Variants in GALNT14 observed in about 807,000 individuals in gnomAD.
GALNT14 encodes polypeptide N-acetylgalactosaminyltransferase 14, also known as UDP-GalNAc:polypeptide N-acetylgalactosaminyltransferase 14.
In GALNT14, 60 loss-of-function variants were observed where a neutral mutation model predicts 77.5. The ratio of observed to expected loss-of-function variants is 0.77; its 90% CI spans 0.63 to 0.96. The LOEUF (loss-of-function observed/expected upper bound fraction) is 0.96, where lower values mean the gene tolerates loss of function less well. GALNT14 is among the 40% of genes least tolerant of loss of function. The pLI is 0.00. For missense variants in GALNT14, 710 were observed against 731.0 expected (o/e 0.97, Z 0.33); for synonymous variants, 280 against 281.7 (o/e 0.99, Z 0.06).
intron 2 of GALNT14, among the ~76,000 whole-genome samples, chr2:30,974,572 G>A (rs80323147): frequency 0.023 from 3,447 of 152,286 alleles, 140 homozygotes; most frequent in East Asian, 0.21. Flanking sequence ...TGCAAGTGCT[G>A]TCTCTCTCCC....
chr2:30,925,677 C>G, intron 11 of GALNT14, among the ~76,000 whole-genome samples: 1 of 152,114 alleles, frequency 6.6e-6, no homozygotes, highest in South Asian at 2.1e-4. Context: ...TTTGGAAGAG[C>G]AGAAATGGGT....
intron 2 of GALNT14, among the ~76,000 whole-genome samples, chr2:30,988,657 G>A (rs1309925978): frequency 3.3e-5 from 5 of 152,104 alleles, no homozygotes; most frequent in Non-Finnish European, 7.4e-5. Flanking sequence ...TCCTACCTAT[G>A]AACTTCACCT....
At chr2:31,083,458 G>A (rs1224735935) in intron 1 of GALNT14, among the ~76,000 whole-genome samples, 2 of 152,168 alleles carry the variant, frequency 1.3e-5, no homozygotes, top group Non-Finnish European at 2.9e-5. Context: ...ATTCGTTCCA[G>A]TTAATAAGAA....
intron 1 of GALNT14, among the ~76,000 whole-genome samples, chr2:31,068,999 G>A (rs937580810): frequency 7.9e-5 from 12 of 152,202 alleles, no homozygotes; most frequent in Admixed American, 7.2e-4. Context: ...CACCTGGAGC[G>A]GGGTGGGGCA....
chr2:30,967,569 G>A (rs1188776345), intron 2 of GALNT14, among the ~76,000 whole-genome samples: 1 of 152,184 alleles, frequency 6.6e-6, no homozygotes, highest in Non-Finnish European at 1.5e-5. Context: ...AGCAGAGATG[G>A]TGGAAAAGGT....
intron 13 of GALNT14, among the ~76,000 whole-genome samples, chr2:30,918,301 GC>G (rs1468308384): frequency 2.0e-5 from 3 of 152,202 alleles, no homozygotes; most frequent in Non-Finnish European, 4.4e-5. Flanking sequence ...TCCCCACAGA[GC>G]TGCCTATTAA....
intron 1 of GALNT14, among the ~76,000 whole-genome samples, chr2:31,038,046 T>C (rs1672850027): frequency 7.0e-6 from 1 of 143,092 alleles, no homozygotes; most frequent in Non-Finnish European, 1.5e-5. Context: ...TTAATTATTT[T>C]GGTTAGTCCC....
chr2:31,130,734 C>CTGTGTGTGTGTGTGTGTGTG (rs4020220), intron 1 of GALNT14, among the ~76,000 whole-genome samples: 21 of 117,536 alleles, frequency 1.8e-4, no homozygotes, highest in East Asian at 1.3e-3. Flanking sequence ...CAGGGTACCT[C>CTGTGTGTGTGTGTGTGTGTG]TGTGTGTGTG....
intron 6 of GALNT14, among the ~76,000 whole-genome samples, chr2:30,951,241 G>A (rs1335929972): frequency 6.6e-6 from 1 of 152,202 alleles, no homozygotes; most frequent in Admixed American, 6.5e-5. Context: ...GAAAATGAAT[G>A]CCAATACATG....
intron 13 of GALNT14, among the ~76,000 whole-genome samples, 153 bp from the exon 14 acceptor site, chr2:30,912,495 C>T (rs1461929312): frequency 6.6e-6 from 1 of 152,210 alleles, no homozygotes; most frequent in Non-Finnish European, 1.5e-5. Flanking sequence ...TTGGAAAATG[C>T]TACTCAAGTG....
At chr2:30,977,275 G>A (rs982872790) in intron 2 of GALNT14, among the ~76,000 whole-genome samples, 1 of 152,068 alleles carries the variant, frequency 6.6e-6, no homozygotes, top group Non-Finnish European at 1.5e-5. Context: ...ATTTTTAGTA[G>A]AGACAGGGTT....
At chr2:30,940,785 C>T (rs2148277028) in intron 9 of GALNT14, among the ~76,000 whole-genome samples, 1 of 152,290 alleles carries the variant, frequency 6.6e-6, no homozygotes, top group Admixed American at 6.5e-5. Flanking sequence ...GAACCCCACA[C>T]CAACAGCCCC....
rs546168624 is a variant in GALNT14 at position 31,026,073 on chromosome 2, C to G, written c.130-33066G>C. On this transcript the variant is annotated intron_variant, in intron 1 of 14. Transcript: ENST00000349752. ...TTGACCAGACCACAGCCTAACTGAGCTACCACATAACATTGACCATCACAG... is the reference window on the plus strand; with the variant it reads ...TTGACCAGACCACAGCCTAACTGAGGTACCACATAACATTGACCATCACAG... Among the ~76,000 whole-genome samples, 6 of 152,290 alleles carry G rather than the reference C, an allele frequency of 3.9e-5. No individual in the cohort carries two copies. The South Asian group carries it at 1.0e-3, about 26-fold the overall frequency.
chr2:31,010,532 G>A (rs572764238), intron 1 of GALNT14, among the ~76,000 whole-genome samples: 12 of 152,276 alleles, frequency 7.9e-5, no homozygotes, highest in East Asian at 1.9e-4. Flanking sequence ...GGAGAATGGC[G>A]TGAACCCGGG....
chr2:30,956,532 G>A (rs139393183), intron 4 of GALNT14, among the ~76,000 whole-genome samples: 4 of 152,072 alleles, frequency 2.6e-5, no homozygotes, highest in East Asian at 1.9e-4. Context: ...TTTTTGAGAC[G>A]GAATCTCGCT....
chr2:30,958,704 G>A (rs1219607116), intron 3 of GALNT14, among the ~76,000 whole-genome samples: 1 of 151,978 alleles, frequency 6.6e-6, no homozygotes, highest in African/African-American at 2.4e-5. Context: ...GTTAACCTCG[G>A]CAACCCTCCT....
intron 1 of GALNT14, among the ~76,000 whole-genome samples, chr2:31,062,464 A>G (rs1674664375): frequency 6.6e-6 from 1 of 152,124 alleles, no homozygotes; most frequent in Admixed American, 6.6e-5. Context: ...TCTATCATTG[A>G]TGGGCATTTG....
intron 1 of GALNT14, among the ~76,000 whole-genome samples, chr2:31,119,992 T>C (rs1226275650): frequency 8.1e-6 from 1 of 123,578 alleles, no homozygotes; most frequent in Non-Finnish European, 1.9e-5. Context: ...CCGTCTCTAC[T>C]AAAAATACAA....
intron 13 of GALNT14, among the ~76,000 whole-genome samples, chr2:30,915,226 G>T (rs961504477): frequency 1.3e-5 from 2 of 152,066 alleles, no homozygotes; most frequent in Non-Finnish European, 1.5e-5. Context: ...TGGGTGGGCA[G>T]TTATTTTGAC....
Sources: allele counts gnomAD v4.1 joint callset (sites outside exome capture counted in the v4.1 genomes callset), GRCh38; gene constraint gnomAD v4.1.1; transcripts MANE v1.5; gene names NCBI Gene and HGNC (gene_info 2026-07-23, HGNC 2026-07-21).